Variants in MDGA2 observed in about 807,000 individuals in gnomAD.
The protein encoded by MDGA2 is MAM domain containing glycosylphosphatidylinositol anchor 2, also known as MAM domain-containing glycosylphosphatidylinositol anchor protein 2.
In MDGA2, 40 loss-of-function variants were observed where a neutral mutation model predicts 117.8. The ratio of observed to expected loss-of-function variants is 0.34; its 90% CI spans 0.26 to 0.44. The LOEUF (loss-of-function observed/expected upper bound fraction) is 0.44, where lower values mean the gene tolerates loss of function less well. Among genes scored for constraint, MDGA2 ranks in the 20% least tolerant of loss-of-function variants. The pLI, the probability that MDGA2 is intolerant of heterozygous loss-of-function variation, is 1.00. For synonymous variants in MDGA2, 452 were observed against 439.0 expected (o/e 1.03, Z -0.37); for missense variants, 1,123 against 1,250.6 (o/e 0.90, Z 1.54).
At chr14:47,469,267 T>C (rs948260136) in intron 1 of MDGA2, among the ~76,000 whole-genome samples, 1 of 152,114 alleles carries the variant, frequency 6.6e-6, no homozygotes, top group Non-Finnish European at 1.5e-5. Context: ...TAACTCATCA[T>C]TTAACATTAG....
In MDGA2 at chr14:47,373,311, T is replaced by C. The variant is rs147400880; in HGVS notation, c.281-71761A>G. Among the ~76,000 whole-genome samples the C allele has an allele frequency of 8.4e-3, 1,283 of 152,108 alleles. 10 individuals carry two copies. The highest frequency in any genetic ancestry group is 0.014 in the Non-Finnish European group (966 of 67,956). ...ATCCCAATATATCACTTTAAAAATA[T>C]CTGTGATCCTAGGTATATATCCAAG... is the stretch of plus-strand genomic sequence containing the variant. On this transcript the variant is annotated intron_variant, in intron 1 of 16. Transcript: ENST00000399232.
At chr14:47,238,812 C>T (rs1323733245) in intron 2 of MDGA2, among the ~76,000 whole-genome samples, 1 of 151,330 alleles carries the variant, frequency 6.6e-6, no homozygotes, top group Non-Finnish European at 1.5e-5. Flanking sequence ...ATAAAACAAC[C>T]CAAAATACAC....
chr14:47,113,589 A>G (rs1210586486), intron 5 of MDGA2, among the ~76,000 whole-genome samples: 1 of 152,064 alleles, frequency 6.6e-6, no homozygotes, highest in East Asian at 1.9e-4. Flanking sequence ...TCAACTTGCA[A>G]GACTGGTTCA....
At chr14:47,005,647 C>T (rs1887683121) in intron 8 of MDGA2, among the ~76,000 whole-genome samples, 1 of 151,310 alleles carries the variant, frequency 6.6e-6, no homozygotes, top group Non-Finnish European at 1.5e-5. Flanking sequence ...TTGGGAAGTA[C>T]TCTCTACACT....
chr14:47,627,894 A>G (rs1897178908), intron 1 of MDGA2, among the ~76,000 whole-genome samples: 2 of 152,190 alleles, frequency 1.3e-5, no homozygotes, highest in Non-Finnish European at 2.9e-5. Context: ...ACCAGAAGGA[A>G]GAAACTCCGC....
chr14:47,029,613 T>C (rs1888589599), intron 8 of MDGA2, among the ~76,000 whole-genome samples: 1 of 152,162 alleles, frequency 6.6e-6, no homozygotes, highest in African/African-American at 2.4e-5. Context: ...TTCAAGGAAG[T>C]ATACTTTGAA....
intron 2 of MDGA2, among the ~76,000 whole-genome samples, chr14:47,257,880 T>C (rs1036615232): frequency 1.3e-5 from 2 of 152,288 alleles, no homozygotes; most frequent in Non-Finnish European, 2.9e-5. Context: ...AAAAAACAGA[T>C]ACTTCTCATG....
chr14:47,187,655 T>C (rs1028114644), intron 3 of MDGA2, among the ~76,000 whole-genome samples: 1 of 152,156 alleles, frequency 6.6e-6, no homozygotes, highest in African/African-American at 2.4e-5. Context: ...GTTTCCTCTT[T>C]AAAAGTTTTG....
chr14:46,902,273 G>A (rs186936162), intron 10 of MDGA2, among the ~76,000 whole-genome samples: 100 of 152,058 alleles, frequency 6.6e-4, no homozygotes, highest in Non-Finnish European at 1.1e-3. Flanking sequence ...CAATGTTAAC[G>A]TAAGTGGTAA....
chr14:47,284,783 GT>G (rs879941095), intron 2 of MDGA2, among the ~76,000 whole-genome samples: 13,774 of 151,996 alleles, frequency 0.091, 748 homozygotes, highest in Non-Finnish European at 0.11. Context: ...CTCTCCTGTG[GT>G]AAGAAACTGC....
chr14:47,460,343 A>T (rs1893456406), intron 1 of MDGA2, among the ~76,000 whole-genome samples: 1 of 152,182 alleles, frequency 6.6e-6, no homozygotes, highest in Non-Finnish European at 1.5e-5. Flanking sequence ...ATGATTTCAA[A>T]ATAGTCTGAG....
intron 1 of MDGA2, among the ~76,000 whole-genome samples, chr14:47,525,315 T>C (rs1894949622): frequency 6.6e-6 from 1 of 152,216 alleles, no homozygotes; most frequent in Admixed American, 6.5e-5. Context: ...TTATGATCTC[T>C]GGACACTTGC....
intron 2 of MDGA2, among the ~76,000 whole-genome samples, chr14:47,250,739 G>A (rs1359883893): frequency 6.6e-6 from 1 of 152,204 alleles, no homozygotes; most frequent in Non-Finnish European, 1.5e-5. Context: ...AGCCTGAAGA[G>A]ACAAAGAAAG....
chr14:47,107,289 A>G (rs1880757401), intron 5 of MDGA2, among the ~76,000 whole-genome samples: 1 of 152,026 alleles, frequency 6.6e-6, no homozygotes, highest in Non-Finnish European at 1.5e-5. Context: ...TACCTGTCCT[A>G]AAACCAGACA....
Position 46,842,046 on chromosome 14 carries a change from CAAA to C in MDGA2, c.2990-30_2990-28del, listed in dbSNP as rs750837799. 12 of 1,526,264 alleles carry C rather than the reference CAAA, an allele frequency of 7.9e-6. No individual in the cohort carries two copies. In the African/African-American group the frequency reaches 1.7e-4, roughly 21 times the overall value. The allele number at this position is 1,526,264 out of a possible 1,614,324, so 94.5% of individuals were successfully genotyped here. A position where few individuals can be genotyped will look rare whatever the true frequency, so the allele number is the denominator to read the frequency against. ...TAAAGATAAGGAAAATAAATGCAAA[CAAA>C]AAAAGAAGAATAATAAGCATTCCAC... On this transcript the variant is annotated intron_variant, in intron 16 of 16. Transcript: ENST00000399232.
chr14:47,472,876 G>C (rs573227845), intron 1 of MDGA2, among the ~76,000 whole-genome samples: 1 of 152,162 alleles, frequency 6.6e-6, no homozygotes, highest in African/African-American at 2.4e-5. Context: ...ATACATGAAG[G>C]GTGATTACAG....
chr14:47,166,331 AC>A (rs1883877092), intron 3 of MDGA2, among the ~76,000 whole-genome samples: 1 of 151,964 alleles, frequency 6.6e-6, no homozygotes, highest in Non-Finnish European at 1.5e-5. Context: ...ATGGCGCCCC[AC>A]CACTGTTTAC....
At chr14:47,211,027 T>G (rs1414904597) in intron 3 of MDGA2, among the ~76,000 whole-genome samples, 1 of 152,186 alleles carries the variant, frequency 6.6e-6, no homozygotes, top group African/African-American at 2.4e-5. Context: ...TTTATTTATT[T>G]TGCATCTTAC....
At chr14:46,885,329 C>T (rs1410587731) in intron 10 of MDGA2, among the ~76,000 whole-genome samples, 1 of 152,132 alleles carries the variant, frequency 6.6e-6, no homozygotes, top group Admixed American at 6.6e-5. Flanking sequence ...ATATTATACA[C>T]ATGTTAATAT....
Sources: allele counts gnomAD v4.1 joint callset (sites outside exome capture counted in the v4.1 genomes callset), GRCh38; gene constraint gnomAD v4.1.1; transcripts MANE v1.5; gene names NCBI Gene and HGNC (gene_info 2026-07-23, HGNC 2026-07-21).